AMOTL1: variants seen among roughly 807,000 people sequenced by gnomAD.
AMOTL1 encodes the protein angiomotin-like protein 1.
In AMOTL1, 45 loss-of-function variants were observed where a neutral mutation model predicts 102.9. That is an observed-to-expected ratio of 0.44 (90% CI 0.34 to 0.56). The LOEUF is 0.56. Among genes scored for constraint, AMOTL1 ranks in the 20% least tolerant of loss-of-function variants. The pLI is 0.01. For synonymous variants in AMOTL1, 481 were observed against 484.7 expected (o/e 0.99, Z 0.10); for missense variants, 1,114 against 1,225.6 (o/e 0.91, Z 1.36).
At chr11:94,768,054 G>A (rs560969194), upstream of AMOTL1, among the ~76,000 whole-genome samples, 1 of 152,322 alleles carries the variant, frequency 6.6e-6, no homozygotes, top group East Asian at 1.9e-4. Context: ...TTGGGCTGGT[G>A]GGGAAGGAAG....
At chr11:94,830,310 A>G (rs1043282346) in intron 5 of AMOTL1, 116 bp downstream of exon 5, 18 of 956,718 alleles carry the variant, frequency 1.9e-5, no homozygotes, top group Admixed American at 3.4e-5. Flanking sequence ...TGTGTTGGAT[A>G]ATCTTGTGTA....
chr11:94,747,153 G>T (rs972977223), intron 3 of AMOTL1, among the ~76,000 whole-genome samples: 1 of 152,060 alleles, frequency 6.6e-6, no homozygotes, highest in Non-Finnish European at 1.5e-5. Context: ...TAGTATAAAA[G>T]CAGTATGTGC....
upstream of AMOTL1, among the ~76,000 whole-genome samples, chr11:94,765,574 A>G (rs1460151180): frequency 6.6e-6 from 1 of 152,224 alleles, no homozygotes; most frequent in Non-Finnish European, 1.5e-5. Flanking sequence ...CTGTGCTTCC[A>G]TGTATCTGAT....
At chr11:94,743,250 T>C (rs1222995552) in intron 3 of AMOTL1, among the ~76,000 whole-genome samples, 1 of 152,230 alleles carries the variant, frequency 6.6e-6, no homozygotes, top group Admixed American at 6.5e-5. Flanking sequence ...CTTCCAGTTC[T>C]ATTTTCACCT....
At chr11:94,792,997 A>C (rs1951311093) in intron 1 of AMOTL1, among the ~76,000 whole-genome samples, 1 of 152,124 alleles carries the variant, frequency 6.6e-6, no homozygotes, top group South Asian at 2.1e-4. Flanking sequence ...TAGTGCTGGG[A>C]TCCATACTGA....
chr11:94,769,487 C>G lies in AMOTL1; in HGVS notation c.49+927C>G, dbSNP rs758858385. Among the ~76,000 whole-genome samples the G allele has an allele frequency of 8.1e-4, 124 of 152,340 alleles. 1 individual carries two copies. The highest frequency in any genetic ancestry group is 1.5e-3 in the Non-Finnish European group (103 of 68,032). On this transcript the variant is annotated intron_variant, in intron 1 of 12. Transcript: ENST00000433060. The stretch of plus-strand genomic sequence containing the variant: ...GTCCAAGTTTCCCCCCTCAGAGCCC[C>G]AGGCCGAGAATCCCGGGTATCTGCG...
intron 3 of AMOTL1, among the ~76,000 whole-genome samples, chr11:94,809,632 C>G (rs1951635471): frequency 6.6e-6 from 1 of 152,198 alleles, no homozygotes; most frequent in African/African-American, 2.4e-5. Flanking sequence ...GTGATGATAA[C>G]AGAGGCTAAC....
At chr11:94,851,017 C>A (rs564374167) in intron 7 of AMOTL1, among the ~76,000 whole-genome samples, 1 of 152,326 alleles carries the variant, frequency 6.6e-6, no homozygotes, top group African/African-American at 2.4e-5. Flanking sequence ...AAGGATAAAG[C>A]AGCTGAAGAG....
Position 94,854,027 on chromosome 11 carries a change from A to G in AMOTL1, c.1889A>G (p.Glu630Gly). 5 of 1,570,622 alleles carry G rather than the reference A, an allele frequency of 3.2e-6. No homozygotes were observed. Among genetic ancestry groups the G allele is most frequent in the Non-Finnish European group, 4.3e-6 (5 of 1,156,798 alleles). The change falls in exon 8 of 13, where the codon GAG (glutamate) becomes GGG (glycine). Residue 630 changes from glutamate to glycine, a missense_variant. By Grantham distance (98) the Glu-to-Gly change is moderately conservative (BLOSUM62 -2). Coordinates refer to ENST00000433060, the MANE Select transcript of AMOTL1 (RefSeq NM_130847.3). The part of the protein sequence containing the change: ...QSACEKREQM[E>G]RRLRTWLERE... The stretch of plus-strand genomic sequence containing the variant: ...GCATGTGAGAAGCGAGAACAGATGG[A>G]GCGGAGACTGCGGACTTGGCTGGAG...
In AMOTL1 at chr11:94,811,038, A is replaced by T. The variant is rs1236118492; in HGVS notation, c.1122-10492A>T. Among the ~76,000 whole-genome samples, 3 of 152,308 alleles carry T rather than the reference A, an allele frequency of 2.0e-5. No homozygotes were observed. The East Asian group carries it at 5.8e-4, about 29-fold the overall frequency. On this transcript the variant is annotated intron_variant, in intron 3 of 12. Coordinates refer to ENST00000433060, the MANE Select transcript of AMOTL1 (RefSeq NM_130847.3). ...CAGAAAGAGCCTGATTTAGGAACCA[A>T]TCCCAGGCTATCGTGGTGACAAAAA...
At chr11:94,716,343 T>C (rs1950098747) in intron 1 of AMOTL1, among the ~76,000 whole-genome samples, 1 of 152,174 alleles carries the variant, frequency 6.6e-6, no homozygotes, top group African/African-American at 2.4e-5. Flanking sequence ...CTCTTCAAAG[T>C]TGGCATCAGT....
At chr11:94,866,437 T>G in intron 11 of AMOTL1, 1 of 464,016 alleles carries the variant, frequency 2.2e-6, no homozygotes, top group East Asian at 4.2e-5. Context: ...GTGACCCTTA[T>G]AACACAAAAG....
Position 94,873,829 on chromosome 11 carries a change from A to G in AMOTL1, c.*3034A>G, listed in dbSNP as rs1169889467. On this transcript the variant is annotated 3_prime_UTR_variant, in exon 13 of 13. Transcript: ENST00000433060. ...CACACACACAGCTATCACACATCTC[A>G]GAGCCTAAGAAATAGGACTAAGCCC... 6.6e-6 allele frequency: 1 copy of G among 151,588 alleles called. No homozygotes were observed. Among genetic ancestry groups the G allele is most frequent in the Admixed American group, 6.6e-5 (1 of 15,126 alleles). 9.4% of individuals were successfully genotyped at this position (151,588 alleles called of 1,614,324 possible).
rs74632353 is a variant in AMOTL1, at chr11:94,840,054, A to C, written c.1648+8513A>C. Among the ~76,000 whole-genome samples, 11 of 152,258 alleles carry C rather than the reference A, an allele frequency of 7.2e-5. No homozygotes were observed. The East Asian group carries it at 2.1e-3, about 29-fold the overall frequency. On this transcript the variant is annotated intron_variant, in intron 6 of 12. Coordinates refer to ENST00000433060, the MANE Select transcript of AMOTL1 (RefSeq NM_130847.3). ...TCCTCTTCAGATACCCCCTGCCCCAAATTTATTTTCTTGAGATCAGAATAG... is the reference window on the plus strand; with the variant it reads ...TCCTCTTCAGATACCCCCTGCCCCACATTTATTTTCTTGAGATCAGAATAG...
Position 94,830,133 on chromosome 11 carries a change from C to A in AMOTL1, c.1497C>A (p.Ala499=). The A allele has an allele frequency of 6.2e-7, 1 of 1,611,114 alleles. No individual in the cohort carries two copies. Among genetic ancestry groups the A allele is most frequent in the Non-Finnish European group, 8.5e-7 (1 of 1,178,698 alleles). ...CCAAGCGAGAATCGCTGGACAAGGCCATGAGAAACAAATTGGAAGGCGAGA... is the reference window on the plus strand; with the variant it reads ...CCAAGCGAGAATCGCTGGACAAGGCAATGAGAAACAAATTGGAAGGCGAGA... ...STTKRESLDK[A]MRNKLEGEIR... is the part of the protein sequence containing the mutation. The change falls in exon 5 of 13, where the codon GCC becomes GCA. Residue 499 remains alanine, a synonymous_variant. Coordinates refer to ENST00000433060, the MANE Select transcript of AMOTL1 (RefSeq NM_130847.3).
At chr11:94,848,833 ATTCT>A (rs1199030240) in intron 6 of AMOTL1, among the ~76,000 whole-genome samples, 1 of 152,230 alleles carries the variant, frequency 6.6e-6, no homozygotes, top group Non-Finnish European at 1.5e-5. Context: ...AGTGTGCTGC[ATTCT>A]TTCTATTACT....
At chr11:94,725,687 G>A (rs1309107516) in intron 1 of AMOTL1, among the ~76,000 whole-genome samples, 1 of 152,152 alleles carries the variant, frequency 6.6e-6, no homozygotes, top group East Asian at 1.9e-4. Context: ...TGGAAGATAA[G>A]TTGTAGTTAG....
chr11:94,868,888 C>G (rs1042256238), intron 11 of AMOTL1, among the ~76,000 whole-genome samples: 4 of 151,636 alleles, frequency 2.6e-5, no homozygotes, highest in African/African-American at 9.7e-5. Flanking sequence ...TTATTTGTAT[C>G]CTACAGTTTA....
In AMOTL1 at chr11:94,799,047, A is replaced by G. The variant is rs1347785678; in HGVS notation, c.200-343A>G. 6.6e-6 allele frequency among the ~76,000 whole-genome samples: 1 copy of G among 151,842 alleles called. No homozygotes were observed. The highest frequency in any genetic ancestry group is 1.5e-5 in the Non-Finnish European group (1 of 67,986). On this transcript the variant is annotated intron_variant, in intron 2 of 12. Coordinates refer to ENST00000433060, the MANE Select transcript of AMOTL1 (RefSeq NM_130847.3). This position sits in a 1 kb window ranked among gnomAD's most constrained non-coding sequence, Gnocchi z 4.5. ...AGAAAAGGTGGTTTCTTTTGGTTTGATTTTGGTTTTCTCTTGTATTTTTTT... is the reference window on the plus strand; with the variant it reads ...AGAAAAGGTGGTTTCTTTTGGTTTGGTTTTGGTTTTCTCTTGTATTTTTTT...
Sources: gnomAD v4.1 joint callset for allele counts (sites outside exome capture counted in the v4.1 genomes callset) on GRCh38, gnomAD v4.1.1 for gene constraint, Gnocchi (gnomAD v3.1) non-coding constraint, MANE v1.5 for transcripts, NCBI Gene and HGNC (gene_info 2026-07-23, HGNC 2026-07-21) for gene names.